Variants in RNASET2 observed in about 807,000 individuals in gnomAD.
RNASET2 encodes the protein ribonuclease 6.
RNASET2 carries 28 observed loss-of-function variants against 33.9 expected under a neutral mutation model. The observed-to-expected ratio is 0.83, with a 90% CI of 0.61 to 1.13. RNASET2 has a LOEUF of 1.13. Among genes scored for constraint, RNASET2 ranks in the 50% most tolerant of loss-of-function variants. The probability of loss-of-function intolerance (pLI) is 0.00; values close to 1 mark genes in which losing one functional copy is unlikely to be tolerated. For synonymous variants in RNASET2, 123 were observed against 121.0 expected (o/e 1.02, Z -0.11); for missense variants, 330 against 319.9 (o/e 1.03, Z -0.24).
At position 166,933,863 on chromosome 6, in the gene RNASET2, G is replaced by A. The variant is rs1299154946; in HGVS notation, c.492+228C>T. On this transcript the variant is annotated intron_variant, in intron 7 of 8. Coordinates refer to ENST00000508775, the MANE Select transcript of RNASET2 (RefSeq NM_003730.6). The surrounding 1 kb of genome is among the most constrained non-coding windows in gnomAD (Gnocchi z 4.1). Reference sequence around the variant, plus strand: ...CTGGAGCACACACTTCTCACAAAGGGAGCCATGAAATCTGTGCTTCCAAAT... The same window carrying A: ...CTGGAGCACACACTTCTCACAAAGGAAGCCATGAAATCTGTGCTTCCAAAT... The A allele has an allele frequency of 3.4e-6, 2 of 586,372 alleles. No individual in the cohort carries two copies. The highest frequency in any genetic ancestry group is 3.0e-5 in the Admixed American group (1 of 33,554). The allele number at this position is 586,372 out of a possible 1,614,324, so 36.3% of individuals were successfully genotyped here. A position where few individuals can be genotyped will look rare whatever the true frequency, so the allele number is the denominator to read the frequency against.
rs772234015 is a variant in RNASET2, at chr6:166,931,028, A to G, written c.567+16T>C. 2.5e-5 allele frequency: 39 copies of G among 1,589,760 alleles called. No homozygotes were observed. The highest frequency in any genetic ancestry group is 3.4e-5 in the Non-Finnish European group (39 of 1,158,026). On this transcript the variant is annotated intron_variant, in intron 8 of 8. Coordinates refer to ENST00000508775, the MANE Select transcript of RNASET2 (RefSeq NM_003730.6). ...CTTCTTGAGAAAAAAAGGAAGACAA[A>G]ACATAACTGTCTAACCTGGCTTGGT...
chr6:166,941,423 T>G (rs1321395799), intron 5 of RNASET2, among the ~76,000 whole-genome samples: 1 of 152,212 alleles, frequency 6.6e-6, no homozygotes, highest in African/African-American at 2.4e-5. Context: ...TACCATAAAC[T>G]CATCATCTGA....
At chr6:166,936,350 CGTGTGT>C (rs56962763) in intron 6 of RNASET2, among the ~76,000 whole-genome samples, 3 of 149,392 alleles carry the variant, frequency 2.0e-5, no homozygotes, top group Non-Finnish European at 3.0e-5. Context: ...TTGCATGTGT[CGTGTGT>C]GTGTGTGTGT....
Position 166,926,190 on chromosome 6 carries a change from T to C in RNASET2, c.*3398A>G, listed in dbSNP as rs1463280859. ...TTCACTTTGAGGTTTCTACCTGGAA[T>C]AAGCGGATGGTGATGTCATTCACCG... is the stretch of plus-strand genomic sequence containing the variant. On this transcript the variant is annotated 3_prime_UTR_variant, in exon 9 of 9. Coordinates refer to ENST00000508775, the MANE Select transcript of RNASET2 (RefSeq NM_003730.6). Among the ~76,000 whole-genome samples the C allele has an allele frequency of 6.6e-6, 1 of 152,060 alleles. No individual in the cohort carries two copies. The highest frequency in any genetic ancestry group is 1.5e-5 in the Non-Finnish European group (1 of 68,000).
intron 5 of RNASET2, among the ~76,000 whole-genome samples, chr6:166,942,586 C>A (rs193118918): frequency 6.6e-6 from 1 of 152,044 alleles, no homozygotes; most frequent in South Asian, 2.1e-4. Context: ...GGACCACAGC[C>A]GCACAATACC....
intron 1 of RNASET2, among the ~76,000 whole-genome samples, chr6:166,955,327 GCACGCACGCACA>G (rs1385344284): frequency 1.7e-5 from 1 of 57,596 alleles, no homozygotes; most frequent in Non-Finnish European, 2.9e-5. Flanking sequence ...GCACACACAC[GCACGCACGCACA>G]CGCACACGCA....
In RNASET2 at chr6:166,934,782, C is replaced by G. The variant is rs1778527475; in HGVS notation, c.447-646G>C. On this transcript the variant is annotated intron_variant, in intron 6 of 8. Transcript: ENST00000508775. Reference sequence around the variant, plus strand: ...GGGCTGTATCAGCTAAGTAAGTGCACTCCAAGATGTTCACATGACAATTTT... The same window carrying G: ...GGGCTGTATCAGCTAAGTAAGTGCAGTCCAAGATGTTCACATGACAATTTT... The G allele has an allele frequency of 2.0e-5, 3 of 152,778 alleles. No homozygotes were observed. The South Asian group carries it at 6.2e-4, about 32-fold the overall frequency. The allele number at this position is 152,778 out of a possible 1,614,324, so 9.5% of individuals were successfully genotyped here.
At chr6:166,931,674 A>ATAC in intron 7 of RNASET2, 1 of 170,250 alleles carries the variant, frequency 5.9e-6, no homozygotes, top group Non-Finnish European at 1.3e-5. Flanking sequence ...CGCTCTACTG[A>ATAC]GGGAGTCCTC....
chr6:166,923,472 G>C lies in RNASET2; in HGVS notation c.*6116C>G, dbSNP rs769359792. ...TGACCTCAAGTGATCCGCCCACCTC[G>C]GCCTCCCAAGGTGCTAGGATTACAG... is the stretch of plus-strand genomic sequence containing the variant. On this transcript the variant is annotated 3_prime_UTR_variant, in exon 9 of 9. Coordinates refer to ENST00000508775, the MANE Select transcript of RNASET2 (RefSeq NM_003730.6). Among the ~76,000 whole-genome samples, 1 of 151,806 alleles carries C rather than the reference G, an allele frequency of 6.6e-6. No individual in the cohort carries two copies. Among genetic ancestry groups the C allele is most frequent in the South Asian group, 2.1e-4 (1 of 4,810 alleles).
At chr6:166,950,524 CA>C (rs1385698108) in intron 2 of RNASET2, among the ~76,000 whole-genome samples, 1 of 152,222 alleles carries the variant, frequency 6.6e-6, no homozygotes, top group Non-Finnish European at 1.5e-5. Context: ...GTGCTAGAGG[CA>C]AAACATAAAG....
chr6:166,924,497 G>A lies in RNASET2; in HGVS notation c.*5091C>T, dbSNP rs1778275170. 6.6e-6 allele frequency among the ~76,000 whole-genome samples: 1 copy of A among 152,240 alleles called. No homozygotes were observed. On this transcript the variant is annotated 3_prime_UTR_variant, in exon 9 of 9. Coordinates refer to ENST00000508775, the MANE Select transcript of RNASET2 (RefSeq NM_003730.6). ...ACAGGTGCACTCATGGAGCACAGAA[G>A]CGAGTTGGACAAAGTCCGGGCCTTT...
rs1778257561 is a variant in RNASET2 at position 166,923,159 on chromosome 6, A to G, written c.*6429T>C. On this transcript the variant is annotated 3_prime_UTR_variant, in exon 9 of 9. Coordinates refer to ENST00000508775, the MANE Select transcript of RNASET2 (RefSeq NM_003730.6). ...CTGGAGGGTGGAGCGCAGTGGCGCA[A>G]TCTCCACTCACTGCAACCTCCAGCC... is the stretch of plus-strand genomic sequence containing the variant. Among the ~76,000 whole-genome samples, 2 of 151,448 alleles carry G rather than the reference A, an allele frequency of 1.3e-5. No individual in the cohort carries two copies. Among genetic ancestry groups the G allele is most frequent in the Non-Finnish European group, 2.9e-5 (2 of 67,964 alleles).
chr6:166,944,824 C>T (rs1422523549), intron 4 of RNASET2, among the ~76,000 whole-genome samples: 2 of 152,074 alleles, frequency 1.3e-5, no homozygotes, highest in Admixed American at 6.5e-5. Context: ...TTCCACCTGG[C>T]TGTTAACACG....
intron 2 of RNASET2, among the ~76,000 whole-genome samples, chr6:166,950,357 G>T (rs73789707): frequency 0.043 from 6,542 of 152,276 alleles, 254 homozygotes; most frequent in African/African-American, 0.1. Flanking sequence ...GGAAACAGCA[G>T]CAGGAGCGCA....
At chr6:166,942,440 G>A (rs940438258) in intron 5 of RNASET2, among the ~76,000 whole-genome samples, 1 of 152,156 alleles carries the variant, frequency 6.6e-6, no homozygotes, top group Non-Finnish European at 1.5e-5. Flanking sequence ...TCTTAGATAT[G>A]CAAGCATTGG....
intron 1 of RNASET2, chr6:166,955,692 A>T (rs1384283773): frequency 1.9e-6 from 2 of 1,063,996 alleles, no homozygotes; most frequent in Non-Finnish European, 2.3e-6. Flanking sequence ...CCTACCCCCT[A>T]CTCCTTCCCA....
At chr6:166,940,320 A>G (rs1489890361) in intron 5 of RNASET2, among the ~76,000 whole-genome samples, 3 of 152,234 alleles carry the variant, frequency 2.0e-5, no homozygotes, top group Non-Finnish European at 4.4e-5. Context: ...TTCACTGGCA[A>G]AATTCATCCA....
intron 7 of RNASET2, chr6:166,931,734 A>G (rs943846753): frequency 4.3e-5 from 7 of 160,952 alleles, no homozygotes; most frequent in Non-Finnish European, 9.6e-5. Context: ...CTAGGAGGAC[A>G]CCTGCATCCT....
At position 166,923,786 on chromosome 6, in the gene RNASET2, A is replaced by C. The variant is rs2128642534; in HGVS notation, c.*5802T>G. ...ACTTCTTTTCTATAGACGCCCAAATACTGACTTCATATCTGTGATTGTATC... is the reference window on the plus strand; with the variant it reads ...ACTTCTTTTCTATAGACGCCCAAATCCTGACTTCATATCTGTGATTGTATC... On this transcript the variant is annotated 3_prime_UTR_variant, in exon 9 of 9. Coordinates refer to ENST00000508775, the MANE Select transcript of RNASET2 (RefSeq NM_003730.6). Among the ~76,000 whole-genome samples the C allele has an allele frequency of 6.6e-6, 1 of 152,292 alleles. No individual in the cohort carries two copies. Among genetic ancestry groups the C allele is most frequent in the South Asian group, 2.1e-4 (1 of 4,824 alleles).
Sources: allele counts gnomAD v4.1 joint callset (sites outside exome capture counted in the v4.1 genomes callset), GRCh38; gene constraint gnomAD v4.1.1; non-coding constraint Gnocchi (gnomAD v3.1); transcripts MANE v1.5; gene names NCBI Gene and HGNC (gene_info 2026-07-23, HGNC 2026-07-21).